Variants in SHQ1 observed in about 807,000 individuals in gnomAD.
SHQ1 encodes SHQ1, H/ACA ribonucleoprotein assembly factor, also known as protein SHQ1 homolog.
A neutral mutation model predicts 53.8 loss-of-function variants in SHQ1; 49 were observed. The observed-to-expected ratio is 0.91, with a 90% confidence interval of 0.72 to 1.16. SHQ1 has a LOEUF of 1.16. SHQ1 is among the 50% of genes most tolerant of loss of function. SHQ1 has a pLI of 0.00. For missense variants in SHQ1, 738 were observed against 683.1 expected (o/e 1.08, Z -0.90); for synonymous variants, 243 against 251.0 (o/e 0.97, Z 0.30).
At chr3:72,796,928 TAA>T (rs60237295) in intron 9 of SHQ1, among the ~76,000 whole-genome samples, 20 of 119,824 alleles carry the variant, frequency 1.7e-4, no homozygotes, top group East Asian at 7.1e-4. Context: ...CCTATTTTCT[TAA>T]AAAAAAAAAA....
intron 8 of SHQ1, 57 bp downstream of exon 8, chr3:72,815,293 C>G (rs1489675154): frequency 6.8e-7 from 1 of 1,471,148 alleles, no homozygotes; most frequent in African/African-American, 1.4e-5. Flanking sequence ...GATGTAAAAA[C>G]AACAAAAATA....
At chr3:72,739,394 T>C in the SHQ1 span, among the ~76,000 whole-genome samples, 3 of 152,162 alleles carry the variant, frequency 2.0e-5, no homozygotes, top group African/African-American at 4.8e-5. Flanking sequence ...TCCTCTTCCA[T>C]TGAGCCAGGG....
chr3:72,753,647 G>A (rs763080879), intron 10 of SHQ1: 45 of 985,180 alleles, frequency 4.6e-5, no homozygotes, highest in Middle Eastern at 5.2e-4. Context: ...CTTCCAGAGC[G>A]CTTAGAGAAA....
At chr3:72,775,806 C>A (rs550345567) in intron 10 of SHQ1, among the ~76,000 whole-genome samples, 1 of 152,050 alleles carries the variant, frequency 6.6e-6, no homozygotes, top group Non-Finnish European at 1.5e-5. Context: ...AAGATCATCC[C>A]AAGGATGAGG....
rs753899821 is a variant in SHQ1, at chr3:72,842,267, G to A, written c.331+13C>T. On this transcript the variant is annotated intron_variant, in intron 3 of 10. Coordinates refer to ENST00000325599, the MANE Select transcript of SHQ1 (RefSeq NM_018130.3). ...TATTTATCCTAATTTCCTCCCAACT[G>A]TAATAAACATACCTATTTCTTCCAC... 14 of 1,611,382 alleles carry A rather than the reference G, an allele frequency of 8.7e-6. No individual in the cohort carries two copies. Among genetic ancestry groups the A allele is most frequent in the Non-Finnish European group, 1.1e-5 (13 of 1,178,470 alleles).
intron 10 of SHQ1, among the ~76,000 whole-genome samples, chr3:72,765,377 C>A (rs938320836): frequency 2.0e-5 from 3 of 151,502 alleles, no homozygotes; most frequent in Admixed American, 2.0e-4. Flanking sequence ...AGTAGCTCTA[C>A]CTCCAGACTG....
chr3:72,725,978 G>A, the SHQ1 span, among the ~76,000 whole-genome samples: 2 of 152,144 alleles, frequency 1.3e-5, no homozygotes, highest in Non-Finnish European at 1.5e-5. Context: ...GGCTAATAAC[G>A]TAATATGATA....
At chr3:72,801,762 TTAGA>T (rs1706796619) in intron 9 of SHQ1, among the ~76,000 whole-genome samples, 2 of 152,238 alleles carry the variant, frequency 1.3e-5, no homozygotes, top group Non-Finnish European at 2.9e-5. Context: ...GTAAAGCTGA[TTAGA>T]TATTTATCTC....
intron 10 of SHQ1, among the ~76,000 whole-genome samples, chr3:72,766,582 G>C (rs1488137103): frequency 6.6e-6 from 1 of 152,098 alleles, no homozygotes; most frequent in African/African-American, 2.4e-5. Flanking sequence ...AACTATTTGA[G>C]GGCTCAGGAA....
intron 10 of SHQ1, chr3:72,752,970 C>T (rs1705420817): frequency 1.0e-6 from 1 of 985,236 alleles, no homozygotes; most frequent in African/African-American, 1.7e-5. Context: ...GCCGAAGACG[C>T]TTTTCCTCTA....
downstream of SHQ1, among the ~76,000 whole-genome samples, chr3:72,747,421 C>G (rs566668067): frequency 6.6e-6 from 1 of 152,312 alleles, no homozygotes; most frequent in Admixed American, 6.5e-5. Context: ...CCATGGCTTT[C>G]CAAACTCTGA....
chr3:72,834,362 C>T (rs1707929331), intron 4 of SHQ1, among the ~76,000 whole-genome samples: 1 of 152,176 alleles, frequency 6.6e-6, no homozygotes, highest in Non-Finnish European at 1.5e-5. Flanking sequence ...AACCCCGTCT[C>T]TACTAAAAAA....
At chr3:72,833,615 T>C (rs1005777075) in intron 4 of SHQ1, among the ~76,000 whole-genome samples, 1 of 152,196 alleles carries the variant, frequency 6.6e-6, no homozygotes, top group South Asian at 2.1e-4. Context: ...TGACTTTCCA[T>C]TGAAAAATGT....
At chr3:72,775,194 CAAAA>C (rs1453231011) in intron 10 of SHQ1, among the ~76,000 whole-genome samples, 1 of 150,846 alleles carries the variant, frequency 6.6e-6, no homozygotes, top group Non-Finnish European at 1.5e-5. Flanking sequence ...AATTTAAAAA[CAAAA>C]AAACAAAGAG....
At chr3:72,799,760 C>T (rs1246308541) in intron 9 of SHQ1, among the ~76,000 whole-genome samples, 4 of 152,128 alleles carry the variant, frequency 2.6e-5, no homozygotes, top group East Asian at 1.9e-4. Flanking sequence ...TCTGTATACT[C>T]GCAAACAAAA....
chr3:72,823,897 G>C (rs184712986), intron 6 of SHQ1, among the ~76,000 whole-genome samples: 3 of 152,290 alleles, frequency 2.0e-5, no homozygotes, highest in African/African-American at 7.2e-5. Flanking sequence ...CCAAATCAGT[G>C]TGACAGAAAA....
chr3:72,826,211 C>T (rs571407451), intron 5 of SHQ1, among the ~76,000 whole-genome samples: 2 of 152,266 alleles, frequency 1.3e-5, no homozygotes, highest in South Asian at 4.1e-4. Flanking sequence ...TAGGAATTCT[C>T]AATAACAATT....
chr3:72,791,304 T>C (rs182561185), intron 10 of SHQ1, among the ~76,000 whole-genome samples: 2 of 152,254 alleles, frequency 1.3e-5, no homozygotes, highest in East Asian at 3.9e-4. Flanking sequence ...AGCAGGAGGA[T>C]CAAATGAAGT....
intron 10 of SHQ1, among the ~76,000 whole-genome samples, chr3:72,769,803 C>T (rs1705806651): frequency 6.6e-6 from 1 of 152,170 alleles, no homozygotes. Context: ...AGAAAATGTC[C>T]TGTGTTTATC....
Sources: gnomAD v4.1 joint callset for allele counts (sites outside exome capture counted in the v4.1 genomes callset) on GRCh38, gnomAD v4.1.1 for gene constraint, MANE v1.5 for transcripts, NCBI Gene and HGNC (gene_info 2026-07-23, HGNC 2026-07-21) for gene names.